Variants in STPG2 observed in about 807,000 individuals in gnomAD.
STPG2 encodes sperm tail PG-rich repeat containing 2, also known as sperm-tail PG-rich repeat-containing protein 2.
STPG2 carries 56 observed loss-of-function variants against 54.2 expected under a neutral mutation model. That is an observed-to-expected ratio of 1.03 (90% CI 0.83 to 1.29). STPG2 has a LOEUF of 1.29. Among genes scored for constraint, STPG2 ranks in the 50% most tolerant of loss-of-function variants. The pLI is 0.00. For synonymous variants in STPG2, 200 were observed against 181.8 expected, an observed-to-expected ratio of 1.10 and a Z score of -0.81; for missense variants, 596 against 544.9, an observed-to-expected ratio of 1.09 and a Z score of -0.93.
intron 8 of STPG2, among the ~76,000 whole-genome samples, chr4:97,937,379 G>T (rs1056375183): frequency 6.6e-6 from 1 of 152,026 alleles, no homozygotes; most frequent in African/African-American, 2.4e-5. Context: ...GGCTACTTCT[G>T]TAATTCATCT....
At chr4:97,750,391 C>T (rs912260185) in intron 9 of STPG2, among the ~76,000 whole-genome samples, 4 of 151,752 alleles carry the variant, frequency 2.6e-5, no homozygotes, top group African/African-American at 4.8e-5. Flanking sequence ...GGATGCTTGC[C>T]ATATATTATC....
chr4:98,068,961 C>A (rs1402936170), intron 5 of STPG2, among the ~76,000 whole-genome samples: 2 of 152,096 alleles, frequency 1.3e-5, no homozygotes, highest in African/African-American at 4.8e-5. Context: ...GGACCATCAT[C>A]ATACGTGCAG....
At chr4:97,861,120 T>G (rs959670679) in intron 8 of STPG2, among the ~76,000 whole-genome samples, 1 of 152,080 alleles carries the variant, frequency 6.6e-6, no homozygotes, top group African/African-American at 2.4e-5. Flanking sequence ...AATAACCAGA[T>G]ACAGGACCTC....
In STPG2 at chr4:97,706,208, G is replaced by A. The variant is rs116299912; in HGVS notation, c.1320+6491C>T. ...CTTCTGAAAAAAGCAGATAACGGAG[G>A]ACTAGACACATATACTCAGCACCCC... is the stretch of plus-strand genomic sequence containing the variant. On this transcript the variant is annotated intron_variant, in intron 10 of 10. Transcript: ENST00000295268. Among the ~76,000 whole-genome samples, 973 of 152,200 alleles carry A rather than the reference G, an allele frequency of 6.4e-3. 12 individuals are homozygous for A. The highest frequency in any genetic ancestry group is 0.022 in the African/African-American group (933 of 41,518).
intron 5 of STPG2, among the ~76,000 whole-genome samples, chr4:98,094,078 C>G (rs1345862371): frequency 1.3e-5 from 2 of 152,150 alleles, no homozygotes; most frequent in Non-Finnish European, 2.9e-5. Context: ...CCAGCTGGTG[C>G]AGCTAAAGGA....
chr4:97,583,369 C>A (rs894125852), intron 10 of STPG2, among the ~76,000 whole-genome samples: 1 of 152,108 alleles, frequency 6.6e-6, no homozygotes, highest in East Asian at 1.9e-4. Context: ...AAGTAGAGAA[C>A]TAGTCTCATC....
At chr4:98,012,850 G>A (rs2149283813) in intron 5 of STPG2, among the ~76,000 whole-genome samples, 2 of 152,278 alleles carry the variant, frequency 1.3e-5, no homozygotes, top group Middle Eastern at 6.8e-3. Flanking sequence ...GAGTTTTGGG[G>A]TTGAGATGAT....
intron 9 of STPG2, among the ~76,000 whole-genome samples, chr4:97,765,125 GC>G (rs929617638): frequency 1.3e-5 from 2 of 152,108 alleles, no homozygotes; most frequent in African/African-American, 4.8e-5. Context: ...ATGAGGATTA[GC>G]CATGATCAGT....
In STPG2 at chr4:97,559,041, T is replaced by A. The variant is rs1326604745; in HGVS notation, c.*17A>T. ...CTTCCATGAAGTTGTTTTTTAAGTT[T>A]TTGCCATAAATTTATGTCACATTAT... On this transcript the variant is annotated 3_prime_UTR_variant, in exon 11 of 11. Coordinates refer to ENST00000295268, the MANE Select transcript of STPG2 (RefSeq NM_174952.3). 2.5e-6 allele frequency: 4 copies of A among 1,582,622 alleles called. No individual in the cohort carries two copies. In the African/African-American group the frequency reaches 5.5e-5, roughly 22 times the overall value.
At chr4:97,441,484 G>C (rs1729079186) in intron 4 of STPG2, 1 of 151,964 alleles carries the variant, frequency 6.6e-6, no homozygotes, top group Non-Finnish European at 1.5e-5. Context: ...TTCTTTGTGA[G>C]AGAACTGTCA....
chr4:97,616,165 G>A (rs996756963), intron 10 of STPG2, among the ~76,000 whole-genome samples: 4 of 140,902 alleles, frequency 2.8e-5, no homozygotes, highest in African/African-American at 1.0e-4. Flanking sequence ...GTGATATAAA[G>A]ATGAGATCAT....
Position 97,737,044 on chromosome 4 carries a change from G to A in STPG2, c.1205-24230C>T, listed in dbSNP as rs116842847. On this transcript the variant is annotated intron_variant, in intron 9 of 10. Coordinates refer to ENST00000295268, the MANE Select transcript of STPG2 (RefSeq NM_174952.3). ...GAGGAACGACCAGACAGCAGCATTC[G>A]CGGTTCACAAAAATACGCTGTTCTG... Among the ~76,000 whole-genome samples the A allele has an allele frequency of 2.0e-3, 300 of 152,222 alleles. 6 individuals are homozygous for A. The East Asian group carries it at 0.05, about 25-fold the overall frequency.
chr4:97,666,708 AGC>A, intron 10 of STPG2, among the ~76,000 whole-genome samples: 1 of 152,234 alleles, frequency 6.6e-6, no homozygotes, highest in South Asian at 2.1e-4. Context: ...TATCATGCTA[AGC>A]CTTGTGAACT....
At chr4:98,051,342 T>C (rs1737313990) in intron 5 of STPG2, among the ~76,000 whole-genome samples, 1 of 152,178 alleles carries the variant, frequency 6.6e-6, no homozygotes, top group African/African-American at 2.4e-5. Flanking sequence ...AATGAAGGTT[T>C]TTATGGTTTG....
In STPG2 at chr4:97,809,989, T is replaced by C. The variant is rs184848958; in HGVS notation, c.1204+30784A>G. Among the ~76,000 whole-genome samples, 3 of 152,284 alleles carry C rather than the reference T, an allele frequency of 2.0e-5. No individual in the cohort carries two copies. In the East Asian group the frequency reaches 5.8e-4, roughly 29 times the overall value. On this transcript the variant is annotated intron_variant, in intron 9 of 10. Coordinates refer to ENST00000295268, the MANE Select transcript of STPG2 (RefSeq NM_174952.3). Reference sequence around the variant, plus strand: ...GCTATATTTTGACCCACAGATGTCATGAATAATAATATATCTTAAGATGAC... The same window carrying C: ...GCTATATTTTGACCCACAGATGTCACGAATAATAATATATCTTAAGATGAC...
intron 9 of STPG2, among the ~76,000 whole-genome samples, chr4:97,832,152 A>G (rs1271182128): frequency 6.6e-6 from 1 of 152,234 alleles, no homozygotes; most frequent in Non-Finnish European, 1.5e-5. Context: ...CCAGAAGCAC[A>G]TCAAAAAGCT....
At chr4:97,517,159 T>C (rs12649282) in intron 4 of STPG2, among the ~76,000 whole-genome samples, 77,484 of 151,642 alleles carry the variant, frequency 0.51, 20,197 homozygotes, top group South Asian at 0.66. Flanking sequence ...TCGCCCGACT[T>C]GGCCTCCCAA....
chr4:97,482,573 A>C (rs563177458), intron 4 of STPG2, among the ~76,000 whole-genome samples: 1 of 151,784 alleles, frequency 6.6e-6, no homozygotes, highest in South Asian at 2.1e-4. Context: ...TAAACAACCA[A>C]ACTAAGAATA....
At chr4:97,540,819 G>T (rs1391836947) in intron 4 of STPG2, among the ~76,000 whole-genome samples, 1 of 151,960 alleles carries the variant, frequency 6.6e-6, no homozygotes, top group Non-Finnish European at 1.5e-5. Flanking sequence ...TTCAACATAC[G>T]CAAATCAACA....
Sources: gnomAD v4.1 joint callset for allele counts (sites outside exome capture counted in the v4.1 genomes callset) on GRCh38, gnomAD v4.1.1 for gene constraint, MANE v1.5 for transcripts, NCBI Gene and HGNC (gene_info 2026-07-23, HGNC 2026-07-21) for gene names.